Variants in TMEM108 observed in about 807,000 individuals in gnomAD.
The protein encoded by TMEM108 is transmembrane protein 108, also known as cancer/testis antigen 124.
In TMEM108, 12 loss-of-function variants were observed where a neutral mutation model predicts 35.1. The observed-to-expected ratio is 0.34, with a 90% CI of 0.22 to 0.55. The LOEUF (loss-of-function observed/expected upper bound fraction) is 0.55, where lower values mean the gene tolerates loss of function less well. Among genes scored for constraint, TMEM108 ranks in the 20% least tolerant of loss-of-function variants. The pLI is 0.89. For synonymous variants in TMEM108, 287 were observed against 308.6 expected, an observed-to-expected ratio of 0.93 and a Z score of 0.73; for missense variants, 680 against 753.3, an observed-to-expected ratio of 0.90 and a Z score of 1.14.
chr3:133,268,759 C>A (rs1462741409), intron 3 of TMEM108, among the ~76,000 whole-genome samples: 9 of 152,142 alleles, frequency 5.9e-5, no homozygotes, highest in Non-Finnish European at 1.5e-5. Context: ...TTTCTTTTGT[C>A]TCAGAGTCTG....
At chr3:133,141,309 G>T (rs1226150241) in intron 2 of TMEM108, among the ~76,000 whole-genome samples, 1 of 152,110 alleles carries the variant, frequency 6.6e-6, no homozygotes, top group African/African-American at 2.4e-5. Flanking sequence ...GAGAGCCAGA[G>T]ATAAAGGATG....
intron 4 of TMEM108, among the ~76,000 whole-genome samples, chr3:133,384,539 C>G (rs1017899704): frequency 1.3e-4 from 20 of 152,226 alleles, no homozygotes; most frequent in Non-Finnish European, 2.2e-4. Context: ...GCCAGACACT[C>G]TAAGCCACGC....
intron 2 of TMEM108, among the ~76,000 whole-genome samples, chr3:133,079,267 C>T (rs1192441346): frequency 6.6e-6 from 1 of 152,110 alleles, no homozygotes; most frequent in East Asian, 1.9e-4. Flanking sequence ...GAGAATGGGT[C>T]TTTCAAAAAA....
intron 2 of TMEM108, among the ~76,000 whole-genome samples, chr3:133,098,348 G>A (rs1180845030): frequency 9.2e-5 from 14 of 152,028 alleles, no homozygotes; most frequent in African/African-American, 1.2e-4. Context: ...CCTCACCCGG[G>A]GTCCCTCCCA....
intron 3 of TMEM108, among the ~76,000 whole-genome samples, chr3:133,321,091 C>A (rs965936456): frequency 6.6e-6 from 1 of 151,934 alleles, no homozygotes; most frequent in Admixed American, 6.6e-5. Flanking sequence ...TCTCACAGGG[C>A]CCATAAAACA....
intron 2 of TMEM108, among the ~76,000 whole-genome samples, chr3:133,184,284 A>G (rs1024351293): frequency 2.6e-5 from 4 of 152,250 alleles, no homozygotes; most frequent in African/African-American, 4.8e-5. Context: ...ATTTATGTAT[A>G]TAACATTTAA....
intron 2 of TMEM108, among the ~76,000 whole-genome samples, chr3:133,135,598 T>A (rs942431978): frequency 6.6e-6 from 1 of 152,104 alleles, no homozygotes; most frequent in Non-Finnish European, 1.5e-5. Flanking sequence ...GGGACTGGCA[T>A]GATTAGATGC....
chr3:133,178,822 A>T (rs911185152), intron 2 of TMEM108, among the ~76,000 whole-genome samples: 3,368 of 152,270 alleles, frequency 0.022, 131 homozygotes, highest in African/African-American at 0.075. Flanking sequence ...ATCTAATTAA[A>T]CTAAAGAGCT....
intron 2 of TMEM108, among the ~76,000 whole-genome samples, chr3:133,178,606 A>T (rs557565989): frequency 6.6e-6 from 1 of 152,240 alleles, no homozygotes; most frequent in Non-Finnish European, 1.5e-5. Flanking sequence ...GGCTAGCCAT[A>T]TGTAGAAAGC....
intron 3 of TMEM108, among the ~76,000 whole-genome samples, chr3:133,378,754 G>A (rs931555723): frequency 2.0e-5 from 3 of 148,776 alleles, no homozygotes; most frequent in African/African-American, 7.5e-5. Flanking sequence ...TTTTGTCCTT[G>A]TGCATTTTCT....
intron 2 of TMEM108, among the ~76,000 whole-genome samples, chr3:133,090,864 A>G (rs906009854): frequency 6.6e-6 from 1 of 152,176 alleles, no homozygotes; most frequent in Non-Finnish European, 1.5e-5. Flanking sequence ...AAAGTATTCT[A>G]TTATATGGAG....
chr3:133,284,402 GT>G (rs1946956870), intron 3 of TMEM108, among the ~76,000 whole-genome samples: 1 of 152,194 alleles, frequency 6.6e-6, no homozygotes. Context: ...GGGGCTAGCA[GT>G]GCTTAGGCCT....
intron 3 of TMEM108, among the ~76,000 whole-genome samples, chr3:133,311,564 G>A (rs1359172608): frequency 2.6e-5 from 4 of 152,150 alleles, no homozygotes; most frequent in African/African-American, 9.7e-5. Flanking sequence ...AGCTCCATCA[G>A]GTCATTTAAG....
chr3:133,265,534 T>A (rs1209209307), intron 3 of TMEM108, among the ~76,000 whole-genome samples: 2 of 152,116 alleles, frequency 1.3e-5, no homozygotes, highest in Non-Finnish European at 2.9e-5. Flanking sequence ...ACCAATGTGC[T>A]CACATTTAAT....
intron 2 of TMEM108, among the ~76,000 whole-genome samples, chr3:133,065,279 G>A (rs1426937470): frequency 7.0e-6 from 1 of 143,434 alleles, no homozygotes; most frequent in African/African-American, 2.5e-5. Flanking sequence ...CACTTACATA[G>A]GTAGCCACAC....
chr3:133,343,993 T>G (rs1317382720), intron 3 of TMEM108, among the ~76,000 whole-genome samples: 1 of 151,776 alleles, frequency 6.6e-6, no homozygotes, highest in East Asian at 1.9e-4. Context: ...AGTCACAGAG[T>G]GCCATCCCCC....
intron 2 of TMEM108, among the ~76,000 whole-genome samples, chr3:133,176,996 C>G (rs1945241705): frequency 6.6e-6 from 1 of 152,162 alleles, no homozygotes; most frequent in Non-Finnish European, 1.5e-5. Flanking sequence ...CACCACCAAT[C>G]CCACAGAAAT....
At chr3:133,331,342 T>C (rs2071391136) in intron 3 of TMEM108, among the ~76,000 whole-genome samples, 1 of 152,170 alleles carries the variant, frequency 6.6e-6, no homozygotes, top group Non-Finnish European at 1.5e-5. Flanking sequence ...GAAATGATAT[T>C]CAAGGGTGAG....
At chr3:133,225,490 C>T (rs1946056683) in intron 2 of TMEM108, among the ~76,000 whole-genome samples, 1 of 152,126 alleles carries the variant, frequency 6.6e-6, no homozygotes, top group African/African-American at 2.4e-5. Context: ...GAACACTTCC[C>T]AGCCCCTGAA....
Sources: gnomAD v4.1 joint callset for allele counts (sites outside exome capture counted in the v4.1 genomes callset) on GRCh38, gnomAD v4.1.1 for gene constraint, MANE v1.5 for transcripts, NCBI Gene and HGNC (gene_info 2026-07-23, HGNC 2026-07-21) for gene names.